The following DYTN variants were observed in gnomAD, a reference collection of about 807,000 sequenced individuals.
DYTN encodes dystrotelin.
A neutral mutation model predicts 69.6 loss-of-function variants in DYTN; 75 were observed. That is an observed-to-expected ratio of 1.08 (90% CI 0.89 to 1.31). DYTN has a LOEUF of 1.31. Among genes scored for constraint, DYTN ranks in the 50% most tolerant of loss-of-function variants. DYTN has a pLI of 0.00. For missense variants in DYTN, 726 were observed against 688.4 expected (o/e 1.05, Z -0.61); for synonymous variants, 252 against 249.1 (o/e 1.01, Z -0.11).
At chr2:206,717,075 CACAA>C (rs1274510897) in intron 1 of DYTN, among the ~76,000 whole-genome samples, 20 of 149,888 alleles carry the variant, frequency 1.3e-4, no homozygotes, top group African/African-American at 4.5e-4. Context: ...CACACACACA[CACAA>C]AACAAACTCA....
At chr2:206,684,805 G>A (rs1375764174) in intron 9 of DYTN, among the ~76,000 whole-genome samples, 1 of 118,178 alleles carries the variant, frequency 8.5e-6, no homozygotes, top group South Asian at 2.6e-4. Flanking sequence ...TTTATTTTCT[G>A]CTACTCATCA....
intron 2 of DYTN, among the ~76,000 whole-genome samples, chr2:206,710,079 C>T (rs1700065597): frequency 6.6e-6 from 1 of 152,100 alleles, no homozygotes; most frequent in Admixed American, 6.5e-5. Flanking sequence ...CCTACTTTTG[C>T]ATGTTCATAT....
In DYTN at chr2:206,675,115, A is replaced by ATGTGTGTGTGTG. The variant is rs757679127; in HGVS notation, c.981-9098_981-9087dup. 3.3e-3 allele frequency among the ~76,000 whole-genome samples: 428 copies of ATGTGTGTGTGTG among 131,530 alleles called. 5 individuals carry two copies. Among genetic ancestry groups the ATGTGTGTGTGTG allele is most frequent in the African/African-American group, 0.011 (391 of 34,646 alleles). The allele number at this position is 131,530 out of a possible 152,430, so 86.3% of individuals were successfully genotyped here. ...TGGAGGGGAAAAAACATATATATAT[A>ATGTGTGTGTGTG]TGTGTGTGTGTGTGTGTGTGTGTGT... On this transcript the variant is annotated intron_variant, in intron 9 of 11. Coordinates refer to ENST00000452335, the MANE Select transcript of DYTN (RefSeq NM_001093730.1).
At chr2:206,689,521 G>A (rs1699843082) in intron 9 of DYTN, among the ~76,000 whole-genome samples, 3 of 152,178 alleles carry the variant, frequency 2.0e-5, no homozygotes, top group African/African-American at 4.8e-5. Context: ...TACTTGGGGT[G>A]GACAGAGTAC....
chr2:206,652,329 C>A (rs1356918285), intron 11 of DYTN, among the ~76,000 whole-genome samples: 1 of 152,182 alleles, frequency 6.6e-6, no homozygotes, highest in Non-Finnish European at 1.5e-5. Context: ...CCAGGTGATA[C>A]TGATGCGGCT....
chr2:206,656,689 T>G (rs996106396), intron 11 of DYTN, among the ~76,000 whole-genome samples: 8 of 149,160 alleles, frequency 5.4e-5, no homozygotes, highest in African/African-American at 2.0e-4. Flanking sequence ...CAGCCTATTT[T>G]GGCTGATAAT....
At chr2:206,663,419 T>C (rs1390620835) in intron 10 of DYTN, 24 bp from the exon 11 acceptor site, 1 of 1,541,184 alleles carries the variant, frequency 6.5e-7, no homozygotes, top group Non-Finnish European at 8.7e-7. Flanking sequence ...ACTTTATTTA[T>C]GAAGAAATTA....
At chr2:206,686,001 A>AAG (rs1491368808) in intron 9 of DYTN, among the ~76,000 whole-genome samples, 1 of 149,344 alleles carries the variant, frequency 6.7e-6, no homozygotes, top group African/African-American at 2.5e-5. Context: ...AAAAAAAAAA[A>AAG]GCTACACATT....
At chr2:206,677,278 CA>C (rs1699701068) in intron 9 of DYTN, among the ~76,000 whole-genome samples, 1 of 151,974 alleles carries the variant, frequency 6.6e-6, no homozygotes, top group Non-Finnish European at 1.5e-5. Context: ...AATTGTATCT[CA>C]ATAAATTGGT....
At chr2:206,664,087 C>T (rs1253413238) in intron 10 of DYTN, among the ~76,000 whole-genome samples, 1 of 148,328 alleles carries the variant, frequency 6.7e-6, no homozygotes, top group African/African-American at 2.5e-5. Context: ...AAAAAAAAAG[C>T]CAGTTCTGCT....
Position 206,651,837 on chromosome 2 carries a change from G to C in DYTN, c.1718C>G (p.Ala573Gly), listed in dbSNP as rs373954592. The C allele has an allele frequency of 2.5e-6, 4 of 1,613,412 alleles. No individual in the cohort carries two copies. Among genetic ancestry groups the C allele is most frequent in the East Asian group, 2.2e-5 (1 of 44,894 alleles). ...TCCATTTCACTTCAAATTGGGCAAG[G>C]CAATTTGATCAACAAGGGCAGAGAA... ...RAFSALVDQI[A>G]LPNLK is the part of the protein sequence containing the mutation. Residue 573 changes from alanine (A) to glycine (G), a missense_variant, in exon 12 of 12, where the codon GCC becomes GGC. By Grantham distance (60) the Ala-to-Gly change is moderately conservative. Coordinates refer to ENST00000452335, the MANE Select transcript of DYTN (RefSeq NM_001093730.1).
intron 1 of DYTN, among the ~76,000 whole-genome samples, chr2:206,716,506 A>G (rs73064060): frequency 0.24 from 36,557 of 152,136 alleles, 4,689 homozygotes; most frequent in African/African-American, 0.32. Context: ...TTTCTTTTTC[A>G]AGAGGTACAA....
intron 11 of DYTN, among the ~76,000 whole-genome samples, chr2:206,657,641 T>C (rs1325880667): frequency 6.6e-6 from 1 of 152,232 alleles, no homozygotes; most frequent in African/African-American, 2.4e-5. Context: ...TTGGATATAG[T>C]ATTTTTGATT....
chr2:206,662,637 A>C (rs920406705), intron 11 of DYTN, among the ~76,000 whole-genome samples: 3 of 151,876 alleles, frequency 2.0e-5, no homozygotes, highest in Non-Finnish European at 4.4e-5. Flanking sequence ...CAATAACAAA[A>C]TAATAAAGCA....
intron 1 of DYTN, among the ~76,000 whole-genome samples, chr2:206,711,360 A>T (rs1225167438): frequency 1.3e-5 from 2 of 152,160 alleles, no homozygotes; most frequent in Non-Finnish European, 2.9e-5. Flanking sequence ...CACAGTGTAG[A>T]GGAGAGGAGA....
At chr2:206,703,167 C>A (rs1046089919) in intron 5 of DYTN, among the ~76,000 whole-genome samples, 1 of 152,106 alleles carries the variant, frequency 6.6e-6, no homozygotes, top group African/African-American at 2.4e-5. Context: ...GAACCTGAAA[C>A]AAGGGCAGAT....
In DYTN at chr2:206,718,187, G is replaced by A. The variant is rs1454391907; in HGVS notation, c.19+74C>T. On this transcript the variant is annotated intron_variant, in intron 1 of 11. Coordinates refer to ENST00000452335, the MANE Select transcript of DYTN (RefSeq NM_001093730.1). ...ATGTTTACTCTTCTTCAAATCAGAG[G>A]TCTGAAAATATAACATCTGTGCCTA... 3.4e-6 allele frequency: 5 copies of A among 1,465,472 alleles called. No individual in the cohort carries two copies. In the African/African-American group the frequency reaches 4.3e-5, roughly 12 times the overall value. 90.8% of individuals were successfully genotyped at this position (1,465,472 alleles called of 1,614,324 possible). A position where few individuals can be genotyped will look rare whatever the true frequency, so the allele number is the denominator to read the frequency against.
rs1700148498 is a variant in DYTN at position 206,718,370 on chromosome 2, A to T, written c.-91T>A. 1 of 1,432,172 alleles carries T rather than the reference A, an allele frequency of 7.0e-7. No homozygotes were observed. Among genetic ancestry groups the T allele is most frequent in the African/African-American group, 1.4e-5 (1 of 70,610 alleles). 88.7% of individuals were successfully genotyped at this position (1,432,172 alleles called of 1,614,324 possible). A position where few individuals can be genotyped will look rare whatever the true frequency, so the allele number is the denominator to read the frequency against. On this transcript the variant is annotated 5_prime_UTR_variant, in exon 1 of 12. Transcript: ENST00000452335. The stretch of plus-strand genomic sequence containing the variant: ...TAAGCAGAAGGTTTTGCAGCAGAGG[A>T]ATGAGGACAGGGGAACAAAAAGGCA...
At chr2:206,700,297 G>A (rs1200166102) in intron 5 of DYTN, 81 bp from the exon 6 acceptor site, 3 of 1,478,152 alleles carry the variant, frequency 2.0e-6, no homozygotes, top group Admixed American at 3.4e-5. Context: ...GAGAGCTGGT[G>A]CCCACGGCTG....
Sources: allele counts gnomAD v4.1 joint callset (sites outside exome capture counted in the v4.1 genomes callset), GRCh38; gene constraint gnomAD v4.1.1; transcripts MANE v1.5; gene names NCBI Gene and HGNC (gene_info 2026-07-23, HGNC 2026-07-21).